The following GLRA3 variants were observed in gnomAD, a reference collection of about 807,000 sequenced individuals.
GLRA3 encodes the protein glycine receptor alpha 3.
GLRA3 carries 44 observed loss-of-function variants against 60.4 expected under a neutral mutation model. The ratio of observed to expected loss-of-function variants is 0.73; its 90% CI spans 0.57 to 0.94. The LOEUF (loss-of-function observed/expected upper bound fraction) is 0.94, where lower values mean the gene tolerates loss of function less well. GLRA3 is among the 40% of genes least tolerant of loss of function. The probability of loss-of-function intolerance (pLI) is 0.00; values close to 1 mark genes in which losing one functional copy is unlikely to be tolerated. For synonymous variants in GLRA3, 223 were observed against 192.9 expected (o/e 1.16, Z -1.29); for missense variants, 508 against 564.6 (o/e 0.90, Z 1.02).
intron 3 of GLRA3, among the ~76,000 whole-genome samples, chr4:174,764,045 C>A (rs1376504220): frequency 6.6e-6 from 1 of 152,046 alleles, no homozygotes; most frequent in Non-Finnish European, 1.5e-5. Context: ...GTTGGTACTA[C>A]ATGAAATTAA....
intron 1 of GLRA3, among the ~76,000 whole-genome samples, chr4:174,821,864 TG>T (rs1161907729): frequency 7.9e-5 from 12 of 152,198 alleles, no homozygotes; most frequent in African/African-American, 2.4e-4. Context: ...TATGATCTCT[TG>T]AACACAATAC....
chr4:174,781,545 C>T (rs1476204106), intron 2 of GLRA3, among the ~76,000 whole-genome samples: 1 of 141,238 alleles, frequency 7.1e-6, no homozygotes, highest in Non-Finnish European at 1.5e-5. Context: ...TTGAAAGGAT[C>T]AACAAAATTG....
chr4:174,700,953 G>A (rs1735292833), intron 5 of GLRA3, among the ~76,000 whole-genome samples: 1 of 152,200 alleles, frequency 6.6e-6, no homozygotes, highest in African/African-American at 2.4e-5. Flanking sequence ...CCACATAAAA[G>A]TGCAAGGTGA....
chr4:174,741,761 T>G (rs1453992778), intron 3 of GLRA3, among the ~76,000 whole-genome samples: 2 of 152,154 alleles, frequency 1.3e-5, no homozygotes, highest in Non-Finnish European at 2.9e-5. Context: ...GAGTTAATTT[T>G]TGTATGAGGT....
chr4:174,644,108 A>T (rs553067062), intron 9 of GLRA3, 44 bp from the exon 10 acceptor site: 1 of 1,113,928 alleles, frequency 9.0e-7, no homozygotes, highest in African/African-American at 1.6e-5. Flanking sequence ...AATACAATAG[A>T]GCATGTATAA....
intron 8 of GLRA3, among the ~76,000 whole-genome samples, chr4:174,658,103 C>A (rs1398084541): frequency 6.6e-6 from 1 of 152,004 alleles, no homozygotes; most frequent in Non-Finnish European, 1.5e-5. Context: ...AAATTGAAAC[C>A]TTTAAATACT....
In GLRA3 at chr4:174,732,938, C is replaced by A. The variant is rs116261289; in HGVS notation, c.268-4240G>T. On this transcript the variant is annotated intron_variant, in intron 3 of 9. Transcript: ENST00000274093. ...CTGGGGAATGAGATAGTGAATTATA[C>A]AGGTATCTTTAATATTGGTAATGTT... is the stretch of plus-strand genomic sequence containing the variant. Among the ~76,000 whole-genome samples, 1,503 of 152,164 alleles carry A rather than the reference C, an allele frequency of 9.9e-3. 13 individuals carry two copies. The highest frequency in any genetic ancestry group is 0.015 in the Non-Finnish European group (999 of 67,994).
intron 7 of GLRA3, among the ~76,000 whole-genome samples, chr4:174,666,516 G>A (rs947886602): frequency 6.6e-6 from 1 of 151,894 alleles, no homozygotes; most frequent in African/African-American, 2.4e-5. Flanking sequence ...AATCCAGGAA[G>A]AGATCAGCTT....
chr4:174,776,533 A>G (rs542248531), intron 2 of GLRA3, among the ~76,000 whole-genome samples: 1 of 152,208 alleles, frequency 6.6e-6, no homozygotes, highest in African/African-American at 2.4e-5. Flanking sequence ...AAGACGCATT[A>G]AATTAGCAGT....
chr4:174,813,157 C>T (rs1334821916), intron 1 of GLRA3, among the ~76,000 whole-genome samples: 1 of 152,148 alleles, frequency 6.6e-6, no homozygotes, highest in African/African-American at 2.4e-5. Flanking sequence ...GAATTTGTTT[C>T]AGTCTCATAT....
At position 174,682,858 on chromosome 4, in the gene GLRA3, T is replaced by C. The variant is rs1207016671; in HGVS notation, c.656A>G (p.Gln219Arg). The change falls in exon 6 of 10, where the codon CAG (glutamine) becomes CGG (arginine). Residue 219 changes from glutamine to arginine, a missense_variant. Physicochemically the swap from Gln to Arg is conservative, Grantham distance 43. Coordinates refer to ENST00000274093, the MANE Select transcript of GLRA3 (RefSeq NM_006529.4). ...VQVAEGLTLP[Q>R]FLLKEEKDLR... The stretch of plus-strand genomic sequence containing the variant: ...ATCTTTTTCTTCTTTCAACAGAAAC[T>C]GGGGCAAAGTGAGTCCTTCTGCCAC... 4 of 1,612,252 alleles carry C rather than the reference T, an allele frequency of 2.5e-6. No individual in the cohort carries two copies. The highest frequency in any genetic ancestry group is 3.4e-6 in the Non-Finnish European group (4 of 1,178,296).
chr4:174,821,214 A>G (rs1740728359), intron 1 of GLRA3, among the ~76,000 whole-genome samples: 1 of 152,190 alleles, frequency 6.6e-6, no homozygotes, highest in Non-Finnish European at 1.5e-5. Flanking sequence ...CAGCAGTGTC[A>G]TGGAGAAAGT....
At chr4:174,659,320 A>C in intron 7 of GLRA3, 123 bp from the exon 8 acceptor site, 1 of 673,534 alleles carries the variant, frequency 1.5e-6, no homozygotes, top group South Asian at 2.3e-5. Flanking sequence ...AAAATAAAGA[A>C]AATGACAATT....
chr4:174,806,485 G>C (rs1740057298), intron 1 of GLRA3, among the ~76,000 whole-genome samples: 1 of 152,100 alleles, frequency 6.6e-6, no homozygotes, highest in African/African-American at 2.4e-5. Context: ...TTCTGCATCT[G>C]TGGATTCAAA....
At position 174,763,923 on chromosome 4, in the gene GLRA3, T is replaced by C. The variant is rs369394056; in HGVS notation, c.267+3040A>G. On this transcript the variant is annotated intron_variant, in intron 3 of 9. Coordinates refer to ENST00000274093, the MANE Select transcript of GLRA3 (RefSeq NM_006529.4). ...AGGTGGAACAAGTCCTTAAAGAATC[T>C]CATTATGACTCATATATGAGGGTAA... 9.2e-5 allele frequency among the ~76,000 whole-genome samples: 14 copies of C among 152,318 alleles called. No individual in the cohort carries two copies. In the South Asian group the frequency reaches 2.5e-3, roughly 27 times the overall value.
intron 7 of GLRA3, among the ~76,000 whole-genome samples, chr4:174,662,837 C>CT (rs72148674): frequency 3.9e-4 from 50 of 128,346 alleles, no homozygotes; most frequent in Middle Eastern, 4.0e-3. Context: ...TTTTTTTTTT[C>CT]TTTTTTTTTT....
intron 1 of GLRA3, among the ~76,000 whole-genome samples, chr4:174,804,694 T>C (rs992579631): frequency 2.0e-5 from 3 of 152,148 alleles, no homozygotes; most frequent in Non-Finnish European, 4.4e-5. Flanking sequence ...GGAAATTTAA[T>C]AGGCGAAAGC....
chr4:174,747,235 G>C (rs1440994984), intron 3 of GLRA3, among the ~76,000 whole-genome samples: 1 of 152,096 alleles, frequency 6.6e-6, no homozygotes, highest in East Asian at 1.9e-4. Flanking sequence ...TAAGGGCAGT[G>C]GTGGAAAGAG....
intron 5 of GLRA3, among the ~76,000 whole-genome samples, chr4:174,699,927 T>C (rs73867676): frequency 0.014 from 2,174 of 151,992 alleles, 54 homozygotes; most frequent in African/African-American, 0.049. Flanking sequence ...CAAAATTATT[T>C]GTTAAATGAT....
Sources: gnomAD v4.1 joint callset for allele counts (sites outside exome capture counted in the v4.1 genomes callset) on GRCh38, gnomAD v4.1.1 for gene constraint, MANE v1.5 for transcripts, NCBI Gene and HGNC (gene_info 2026-07-23, HGNC 2026-07-21) for gene names.